MYH9: variants seen among roughly 807,000 people sequenced by gnomAD.
MYH9 encodes myosin-9.
A neutral mutation model predicts 241.9 loss-of-function variants in MYH9; 29 were observed. The observed-to-expected ratio is 0.12, with a 90% confidence interval of 0.09 to 0.16. MYH9 has a LOEUF of 0.16. Among genes scored for constraint, MYH9 ranks in the 10% least tolerant of loss-of-function variants. The pLI, the probability that MYH9 is intolerant of heterozygous loss-of-function variation, is 1.00. For synonymous variants in MYH9, 1,047 were observed against 1,062.6 expected (o/e 0.99, Z 0.29); for missense variants, 1,803 against 2,595.5 (o/e 0.69, Z 6.63).
intron 23 of MYH9, 133 bp from the exon 24 acceptor site, chr22:36,299,175 A>AC (rs1045298715): frequency 1.6e-6 from 2 of 1,270,740 alleles, no homozygotes; most frequent in Non-Finnish European, 2.3e-6. Flanking sequence ...GTTCATTAGG[A>AC]TTTTCCTAGA....
intron 1 of MYH9, among the ~76,000 whole-genome samples, chr22:36,363,787 G>C (rs554055068): frequency 1.5e-3 from 224 of 152,278 alleles, no homozygotes; most frequent in African/African-American, 5.3e-3. Flanking sequence ...GGTTGGAAGC[G>C]GCTGACAGGG....
In MYH9 at chr22:36,300,339, G is replaced by A; in HGVS notation, c.2839-75C>T. On this transcript the variant is annotated intron_variant, in intron 22 of 40. Transcript: ENST00000216181. This position sits in a 1 kb window ranked among gnomAD's most constrained non-coding sequence, Gnocchi z 5.0. ...CAAGGTGAAGGCAGCAAGGTCCGAA[G>A]GCCAGATCCAAACGCCAAGGAGAAA... is the stretch of plus-strand genomic sequence containing the variant. 6.3e-7 allele frequency: 1 copy of A among 1,595,654 alleles called. No individual in the cohort carries two copies. Among genetic ancestry groups the A allele is most frequent in the Non-Finnish European group, 8.5e-7 (1 of 1,173,304 alleles).
Position 36,285,224 on chromosome 22 carries a change from G to T in MYH9, c.5380C>A (p.Leu1794Met). 1 of 1,614,228 alleles carries T rather than the reference G, an allele frequency of 6.2e-7. No homozygotes were observed. Among genetic ancestry groups the T allele is most frequent in the Non-Finnish European group, 8.5e-7 (1 of 1,180,044 alleles). Residue 1794 changes from leucine (L) to methionine (M), a missense_variant, in exon 38 of 41, where the codon CTG (leucine) becomes ATG (methionine). Coordinates refer to ENST00000216181, the MANE Select transcript of MYH9 (RefSeq NM_002473.6). This position sits in a 1 kb window ranked among gnomAD's most constrained non-coding sequence, Gnocchi z 7.0. The part of the protein sequence containing the change: ...ERQNKELKVK[L>M]QEMEGTVKSK... ...TTGACAGTGCCCTCCATCTCCTGCAGCTTGACCTTAAGCTCCTTGTTCTGG... is the reference window on the plus strand; with the variant it reads ...TTGACAGTGCCCTCCATCTCCTGCATCTTGACCTTAAGCTCCTTGTTCTGG...
At chr22:36,312,309 T>A (rs756235723) in intron 13 of MYH9, 87 bp from the exon 14 acceptor site, 4 of 1,358,012 alleles carry the variant, frequency 2.9e-6, no homozygotes, top group Non-Finnish European at 4.1e-6. Flanking sequence ...GACATCAGAA[T>A]CCCCTGAATC....
chr22:36,359,869 G>A (rs929131721), intron 1 of MYH9, among the ~76,000 whole-genome samples: 1 of 152,178 alleles, frequency 6.6e-6, no homozygotes, highest in African/African-American at 2.4e-5. Context: ...GTGAGGTCCT[G>A]GTTCTGCAAA....
Position 36,288,516 on chromosome 22 carries a change from G to C in MYH9, c.4771-103C>G. On this transcript the variant is annotated intron_variant, in intron 33 of 40. Coordinates refer to ENST00000216181, the MANE Select transcript of MYH9 (RefSeq NM_002473.6). The surrounding 1 kb of genome is among the most constrained non-coding windows in gnomAD (Gnocchi z 4.8). ...CAGGCCAGTTCTGCAGGATCCATGG[G>C]GCCTCGGGAAACCAGTGGGGATTAC... The C allele has an allele frequency of 4.0e-6, 6 of 1,501,874 alleles. No homozygotes were observed. Among genetic ancestry groups the C allele is most frequent in the Non-Finnish European group, 5.5e-6 (6 of 1,093,848 alleles). 93.0% of individuals were successfully genotyped at this position (1,501,874 alleles called of 1,614,324 possible).
intron 1 of MYH9, among the ~76,000 whole-genome samples, chr22:36,381,630 T>A (rs531555079): frequency 3.9e-4 from 59 of 152,228 alleles, no homozygotes; most frequent in African/African-American, 1.3e-3. Flanking sequence ...AAATACTGCA[T>A]GCACAGAGCA....
At chr22:36,346,275 G>A (rs1032839317) in intron 2 of MYH9, among the ~76,000 whole-genome samples, 2 of 152,124 alleles carry the variant, frequency 1.3e-5, no homozygotes, top group Non-Finnish European at 2.9e-5. Context: ...AGAAAACAAA[G>A]ACCTCGTTGT....
intron 13 of MYH9, among the ~76,000 whole-genome samples, chr22:36,312,925 G>A (rs4821482): frequency 0.53 from 79,798 of 150,770 alleles, 23,679 homozygotes; most frequent in Non-Finnish European, 0.68. Context: ...CCTGGCCAAC[G>A]TGGTGAAACT....
rs191310715 is a variant in MYH9 at position 36,282,248 on chromosome 22, G to A, written c.*420C>T. 64 of 370,478 alleles carry A rather than the reference G, an allele frequency of 1.7e-4. 1 individual carries two copies. In the East Asian group the frequency reaches 2.1e-3, roughly 12 times the overall value. The allele number at this position is 370,478 out of a possible 1,614,324, so 22.9% of individuals were successfully genotyped here. ...AGGAGTGGGGGCGCTGGTGGCAGAC[G>A]TCAGGGAGGCTGACGACTGCGGGGG... On this transcript the variant is annotated 3_prime_UTR_variant, in exon 41 of 41. Coordinates refer to ENST00000216181, the MANE Select transcript of MYH9 (RefSeq NM_002473.6).
At chr22:36,380,358 A>C (rs2018237641) in intron 1 of MYH9, among the ~76,000 whole-genome samples, 3 of 152,220 alleles carry the variant, frequency 2.0e-5, no homozygotes, top group Admixed American at 2.0e-4. Context: ...GTTGTTATAC[A>C]TAAAAACCAC....
intron 14 of MYH9, 85 bp from the exon 15 acceptor site, chr22:36,309,481 T>C (rs552815205): frequency 2.9e-6 from 3 of 1,017,080 alleles, no homozygotes; most frequent in South Asian, 1.3e-5. Flanking sequence ...GCTAACCCCA[T>C]GCATGGAAAA....
intron 34 of MYH9, among the ~76,000 whole-genome samples, chr22:36,287,901 C>T (rs924963181): frequency 6.6e-6 from 1 of 152,218 alleles, no homozygotes; most frequent in African/African-American, 2.4e-5. Flanking sequence ...TTGGAACCAT[C>T]GCCCCAGAGC....
Position 36,349,049 on chromosome 22 carries a change from T to C in MYH9, c.188A>G (p.Lys63Arg), listed in dbSNP as rs1426062541. ...GTCATCCTTGTTCACCTTCACCTTC[T>C]TCCCATTCTCCACCAGCTCCACGAT... ...EAIVELVENGKKVKVNKDDIQ... is the reference protein window; with the variant it reads ...EAIVELVENGRKVKVNKDDIQ... The change falls in exon 2 of 41, where the codon AAG becomes AGG. Residue 63 changes from lysine (K) to arginine (R), a missense_variant. Lys to Arg is a conservative substitution (Grantham distance 26, BLOSUM62 2). Around this residue, in one of 11 missense-constraint regions of MYH9, gnomAD observed 75 missense variants for 79.1 expected, o/e 0.95. Coordinates refer to ENST00000216181, the MANE Select transcript of MYH9 (RefSeq NM_002473.6). The C allele has an allele frequency of 6.2e-7, 1 of 1,614,242 alleles. No individual in the cohort carries two copies. Among genetic ancestry groups the C allele is most frequent in the Non-Finnish European group, 8.5e-7 (1 of 1,180,042 alleles).
intron 27 of MYH9, 29 bp downstream of exon 27, chr22:36,294,902 TC>T (rs1349585356): frequency 1.2e-6 from 2 of 1,607,904 alleles, no homozygotes; most frequent in Non-Finnish European, 8.5e-7. Context: ...AACCCTGCCC[TC>T]CCCCTGCGGT....
chr22:36,303,260 G>A (rs2009930), intron 19 of MYH9, among the ~76,000 whole-genome samples: 79,213 of 151,610 alleles, frequency 0.52, 23,719 homozygotes, highest in Non-Finnish European at 0.68. Flanking sequence ...GCCCACAGCC[G>A]CTGTCCTGCA....
chr22:36,377,113 A>T (rs2018181190), intron 1 of MYH9, among the ~76,000 whole-genome samples: 1 of 152,042 alleles, frequency 6.6e-6, no homozygotes, highest in Non-Finnish European at 1.5e-5. Context: ...CATTTGTGCA[A>T]TAAGGACTAG....
In MYH9 at chr22:36,306,703, G is replaced by C. The variant is rs746591998; in HGVS notation, c.1844-96C>G. 8.4e-7 allele frequency: 1 copy of C among 1,197,236 alleles called. No individual in the cohort carries two copies. Among genetic ancestry groups the C allele is most frequent in the Non-Finnish European group, 1.2e-6 (1 of 836,274 alleles). The allele number at this position is 1,197,236 out of a possible 1,614,324, so 74.2% of individuals were successfully genotyped here. A position where few individuals can be genotyped will look rare whatever the true frequency, so the allele number is the denominator to read the frequency against. Reference sequence around the variant, plus strand: ...AGAGAGACAGGCACACGTCGGACAGGAAAAGAGGAGACAGAATGAAACAAC... The same window carrying C: ...AGAGAGACAGGCACACGTCGGACAGCAAAAGAGGAGACAGAATGAAACAAC... On this transcript the variant is annotated intron_variant, in intron 15 of 40. Coordinates refer to ENST00000216181, the MANE Select transcript of MYH9 (RefSeq NM_002473.6). This position sits in a 1 kb window ranked among gnomAD's most constrained non-coding sequence, Gnocchi z 4.1.
chr22:36,357,895 C>T (rs1291407093), intron 1 of MYH9, among the ~76,000 whole-genome samples: 1 of 152,194 alleles, frequency 6.6e-6, no homozygotes, highest in Non-Finnish European at 1.5e-5. Flanking sequence ...ACCAATCAAC[C>T]AGGCAGAAGA....
Sources: allele counts gnomAD v4.1 joint callset (sites outside exome capture counted in the v4.1 genomes callset), GRCh38; gene constraint gnomAD v4.1.1; regional missense constraint gnomAD v4.1.1; non-coding constraint Gnocchi (gnomAD v3.1); transcripts MANE v1.5; gene names NCBI Gene and HGNC (gene_info 2026-07-23, HGNC 2026-07-21).